Variants in PTPN3 observed in about 807,000 individuals in gnomAD.
PTPN3 encodes the protein tyrosine-protein phosphatase non-receptor type 3.
PTPN3 carries 96 observed loss-of-function variants against 132.7 expected under a neutral mutation model. The observed-to-expected ratio is 0.72, with a 90% CI of 0.61 to 0.86. The LOEUF (loss-of-function observed/expected upper bound fraction) is 0.86, where lower values mean the gene tolerates loss of function less well. Ranked by LOEUF, PTPN3 falls within the 40% of genes least tolerant of loss-of-function variation. PTPN3 has a pLI of 0.00. For missense variants in PTPN3, 1,125 were observed against 1,159.6 expected, an observed-to-expected ratio of 0.97 and a Z score of 0.43; for synonymous variants, 398 against 429.0, an observed-to-expected ratio of 0.93 and a Z score of 0.89.
chr9:109,459,592 C>CA (rs1845736167), intron 2 of PTPN3, among the ~76,000 whole-genome samples: 2 of 152,264 alleles, frequency 1.3e-5, no homozygotes, highest in African/African-American at 4.8e-5. Flanking sequence ...TGCTCCACTG[C>CA]CCCTGCTGGA....
At chr9:109,525,989 GTATT>G in the PTPN3 span, among the ~76,000 whole-genome samples, 2 of 152,116 alleles carry the variant, frequency 1.3e-5, no homozygotes, top group African/African-American at 4.8e-5. Context: ...AGTTTATAAA[GTATT>G]TGATAAGTAA....
intron 6 of PTPN3, among the ~76,000 whole-genome samples, chr9:109,445,749 T>C (rs1371448829): frequency 6.6e-6 from 1 of 152,236 alleles, no homozygotes; most frequent in Non-Finnish European, 1.5e-5. Flanking sequence ...CTTTCTAAAA[T>C]AGTAACATCC....
intron 7 of PTPN3, among the ~76,000 whole-genome samples, chr9:109,443,728 G>A (rs1179233364): frequency 1.3e-5 from 2 of 152,154 alleles, no homozygotes; most frequent in African/African-American, 4.8e-5. Flanking sequence ...ATGTGAAATG[G>A]CCGGGCCTGT....
chr9:109,532,180 A>G, the PTPN3 span, among the ~76,000 whole-genome samples: 1 of 152,214 alleles, frequency 6.6e-6, no homozygotes, highest in African/African-American at 2.4e-5. Context: ...TTCTGTCAGT[A>G]CAGCTGGCCA....
chr9:109,429,620 T>C (rs527470194), intron 10 of PTPN3, among the ~76,000 whole-genome samples: 209 of 152,352 alleles, frequency 1.4e-3, no homozygotes, highest in African/African-American at 4.8e-3. Context: ...TGGAAAACAG[T>C]ATTTGCAGGA....
chr9:109,507,171 G>A, the PTPN3 span, among the ~76,000 whole-genome samples: 1 of 152,154 alleles, frequency 6.6e-6, no homozygotes, highest in African/African-American at 2.4e-5. Context: ...GCTGAGGGAT[G>A]GAACAGAAGA....
At chr9:109,496,119 T>C (rs187522615) in intron 1 of PTPN3, among the ~76,000 whole-genome samples, 68 of 152,366 alleles carry the variant, frequency 4.5e-4, no homozygotes, top group Non-Finnish European at 7.2e-4. Flanking sequence ...TTTTAGGAGA[T>C]GGCAAATCAC....
chr9:109,468,427 C>T lies in PTPN3; in HGVS notation c.-17-4976G>A, dbSNP rs568758842. Among the ~76,000 whole-genome samples, 704 of 152,054 alleles carry T rather than the reference C, an allele frequency of 4.6e-3. 4 individuals are homozygous for T. Among genetic ancestry groups the T allele is most frequent in the African/African-American group, 0.016 (663 of 41,460 alleles). On this transcript the variant is annotated intron_variant, in intron 1 of 25. Coordinates refer to ENST00000374541, the MANE Select transcript of PTPN3 (RefSeq NM_002829.4). ...TGTCCCCCAGGCTGGAGTACAGTGG[C>T]GTGATCTCGGCTCACTGCAAGCTCC...
At chr9:109,501,504 C>T (rs1278814311), upstream of PTPN3, among the ~76,000 whole-genome samples, 5 of 152,152 alleles carry the variant, frequency 3.3e-5, no homozygotes, top group African/African-American at 1.2e-4. Context: ...GTTCTAGTCT[C>T]CTGTTACTGT....
At chr9:109,488,989 G>A (rs1356342307) in intron 1 of PTPN3, among the ~76,000 whole-genome samples, 3 of 152,212 alleles carry the variant, frequency 2.0e-5, no homozygotes, top group Non-Finnish European at 4.4e-5. Context: ...GCTGGAACAG[G>A]GATGTGGGCG....
At chr9:109,462,193 T>C (rs1387157015) in intron 2 of PTPN3, among the ~76,000 whole-genome samples, 5 of 152,324 alleles carry the variant, frequency 3.3e-5, no homozygotes, top group Admixed American at 6.5e-5. Context: ...ACTTTGGTTG[T>C]CCACCTGAGT....
chr9:109,398,808 T>C (rs1254403533), intron 19 of PTPN3, among the ~76,000 whole-genome samples: 1 of 152,212 alleles, frequency 6.6e-6, no homozygotes, highest in Non-Finnish European at 1.5e-5. Flanking sequence ...GGAAAGTCTA[T>C]ACCAAATGCA....
At chr9:109,470,087 CG>C (rs1278633920) in intron 1 of PTPN3, among the ~76,000 whole-genome samples, 3 of 152,022 alleles carry the variant, frequency 2.0e-5, no homozygotes, top group African/African-American at 7.2e-5. Context: ...AACAGATGAC[CG>C]ATCTAGAGAA....
intron 8 of PTPN3, 48 bp from the exon 9 acceptor site, chr9:109,437,018 C>T (rs775121214): frequency 6.2e-7 from 1 of 1,608,230 alleles, no homozygotes; most frequent in Non-Finnish European, 8.5e-7. Flanking sequence ...AAAGAGAGGG[C>T]ATTAACTCCA....
Position 109,417,914 on chromosome 9 carries a change from C to A in PTPN3, c.1313+2510G>T, listed in dbSNP as rs1409219920. The A allele has an allele frequency of 9.5e-6, 4 of 420,398 alleles. No individual in the cohort carries two copies. The East Asian group carries it at 6.3e-4, about 67-fold the overall frequency. 26.0% of individuals were successfully genotyped at this position (420,398 alleles called of 1,614,324 possible). On this transcript the variant is annotated intron_variant, in intron 14 of 25. Coordinates refer to ENST00000374541, the MANE Select transcript of PTPN3 (RefSeq NM_002829.4). ...CTCAAGGAGGGGTTTCAAGAAGACT[C>A]ATTGTGCAATGTATAGGAACAAGCA... is the stretch of plus-strand genomic sequence containing the variant.
chr9:109,432,598 G>C (rs1475561224), intron 10 of PTPN3, among the ~76,000 whole-genome samples: 1 of 152,116 alleles, frequency 6.6e-6, no homozygotes, highest in African/African-American at 2.4e-5. Context: ...TGGCCTACAG[G>C]TCTCTTCCCA....
At chr9:109,463,112 C>T (rs1201266436) in intron 2 of PTPN3, among the ~76,000 whole-genome samples, 185 bp downstream of exon 2, 3 of 151,498 alleles carry the variant, frequency 2.0e-5, no homozygotes, top group Non-Finnish European at 4.4e-5. Flanking sequence ...GGAAGACCCT[C>T]AGGGCAGAGG....
At chr9:109,402,469 G>C (rs1022676679) in intron 19 of PTPN3, among the ~76,000 whole-genome samples, 12 of 151,900 alleles carry the variant, frequency 7.9e-5, no homozygotes, top group Admixed American at 2.6e-4. Context: ...AATAGAGACA[G>C]GGTTTCACCA....
the PTPN3 span, among the ~76,000 whole-genome samples, chr9:109,523,620 C>G: frequency 6.6e-6 from 1 of 152,284 alleles, no homozygotes; most frequent in Non-Finnish European, 1.5e-5. Flanking sequence ...CTTTATGGCT[C>G]TTGTTGCTAT....
Sources: allele counts gnomAD v4.1 joint callset (sites outside exome capture counted in the v4.1 genomes callset), GRCh38; gene constraint gnomAD v4.1.1; transcripts MANE v1.5; gene names NCBI Gene and HGNC (gene_info 2026-07-23, HGNC 2026-07-21).